The following BCAM variants were observed in gnomAD, a reference collection of about 807,000 sequenced individuals.
BCAM encodes basal cell adhesion molecule.
Under a neutral mutation model 72.4 loss-of-function variants are expected in BCAM, and 61 were observed. The ratio of observed to expected loss-of-function variants is 0.84; its 90% confidence interval spans 0.69 to 1.04. The LOEUF is 1.04. BCAM is among the 50% of genes least tolerant of loss of function. BCAM has a pLI of 0.00. For synonymous variants in BCAM, 408 were observed against 384.2 expected (o/e 1.06, Z -0.73); for missense variants, 909 against 895.0 (o/e 1.02, Z -0.20).
Position 44,814,416 on chromosome 19 carries a change from G to C in BCAM, c.921+128G>C. 1 of 1,443,958 alleles carries C rather than the reference G, an allele frequency of 6.9e-7. No homozygotes were observed. Among genetic ancestry groups the C allele is most frequent in the South Asian group, 1.4e-5 (1 of 70,838 alleles). The allele number at this position is 1,443,958 out of a possible 1,614,324, so 89.4% of individuals were successfully genotyped here. The stretch of plus-strand genomic sequence containing the variant: ...GCTTAGGCAGCCACCTGATCTGGTG[G>C]CCCACGAACTAAAAGGACCTCTGAC... On this transcript the variant is annotated intron_variant, in intron 7 of 14. Coordinates refer to ENST00000270233, the MANE Select transcript of BCAM (RefSeq NM_005581.5). This position sits in a 1 kb window ranked among gnomAD's most constrained non-coding sequence, Gnocchi z 4.6.
Position 44,814,104 on chromosome 19 carries a change from T to C in BCAM, c.785-48T>C. On this transcript the variant is annotated intron_variant, in intron 6 of 14. Coordinates refer to ENST00000270233, the MANE Select transcript of BCAM (RefSeq NM_005581.5). This position sits in a 1 kb window ranked among gnomAD's most constrained non-coding sequence, Gnocchi z 4.6. ...CTGACCTCTCGCCTGTCCTCTAGCC[T>C]TGACCCTTCCCCTGATCACAATTCC... The C allele has an allele frequency of 6.5e-7, 1 of 1,539,696 alleles. No homozygotes were observed. The highest frequency in any genetic ancestry group is 8.7e-7 in the Non-Finnish European group (1 of 1,150,802).
chr19:44,812,124 T>A lies in BCAM; in HGVS notation c.205-39T>A. ...CAGAGAGAGAGAGACTGAGGAGCGC[T>A]GGGACACCCGGAGCTGAGAGCCTGC... On this transcript the variant is annotated intron_variant, in intron 2 of 14. Transcript: ENST00000270233. This position sits in a 1 kb window ranked among gnomAD's most constrained non-coding sequence, Gnocchi z 5.3. The A allele has an allele frequency of 6.5e-7, 1 of 1,549,478 alleles. No individual in the cohort carries two copies. The highest frequency in any genetic ancestry group is 8.7e-7 in the Non-Finnish European group (1 of 1,149,702).
chr19:44,819,820 C>T, intron 13 of BCAM, 94 bp downstream of exon 13: 5 of 1,443,902 alleles, frequency 3.5e-6, no homozygotes, highest in Middle Eastern at 2.3e-4. Context: ...CACATCTTAT[C>T]CTCCACCCCA....
In BCAM at chr19:44,819,415, C is replaced by T. The variant is rs761848492; in HGVS notation, c.1543C>T (p.Leu515=). The T allele has an allele frequency of 2.5e-6, 4 of 1,614,074 alleles. No individual in the cohort carries two copies. In the South Asian group the frequency reaches 4.4e-5, roughly 18 times the overall value. ...SSLTLKVTSA[L]SRDGISCEAS... is the part of the protein sequence containing the mutation. ...TCTGACCCTGAAAGTGACCAGCGCCCTGAGCCGCGATGGCATCTCCTGTGA... is the reference window on the plus strand; with the variant it reads ...TCTGACCCTGAAAGTGACCAGCGCCTTGAGCCGCGATGGCATCTCCTGTGA... The change falls in exon 12 of 15, where the codon CTG becomes TTG. Residue 515 remains leucine (L), a synonymous_variant. Transcript: ENST00000270233.
chr19:44,809,237 T>G (rs1013845885), intron 1 of BCAM, 31 bp downstream of exon 1: 14 of 1,405,818 alleles, frequency 1.0e-5, no homozygotes, highest in Non-Finnish European at 1.2e-5. Context: ...AAGGTGGGAC[T>G]GGGGAGAGGC....
chr19:44,819,191 G>A lies in BCAM; in HGVS notation c.1472G>A (p.Ser491Asn). 3 of 1,613,994 alleles carry A rather than the reference G, an allele frequency of 1.9e-6. No individual in the cohort carries two copies. The highest frequency in any genetic ancestry group is 2.5e-6 in the Non-Finnish European group (3 of 1,179,944). The change falls in exon 11 of 15, where the codon AGC becomes AAC. Residue 491 changes from serine (S) to asparagine (N), a missense_variant and splice_region_variant. Ser to Asn is a conservative substitution (Grantham distance 46). Transcript: ENST00000270233. The stretch of plus-strand genomic sequence containing the variant: ...CTCAGCTGGAGCCAATTGGGGGGCA[G>A]CGTAAGGGACCTTCCTCTCCACCCT... ...PKLSWSQLGG[S>N]PAEPIPGRQG...
intron 8 of BCAM, among the ~76,000 whole-genome samples, chr19:44,817,268 G>A (rs916288486): frequency 2.0e-5 from 3 of 152,120 alleles, no homozygotes; most frequent in African/African-American, 4.8e-5. Flanking sequence ...AATGCAGAGA[G>A]CTACAAAAAG....
intron 13 of BCAM, 77 bp downstream of exon 13, chr19:44,819,803 C>T (rs1968559018): frequency 2.0e-6 from 3 of 1,470,458 alleles, no homozygotes; most frequent in Admixed American, 5.1e-5. Context: ...CAACCCATAA[C>T]CTCAACCACA....
chr19:44,810,315 T>C (rs929759254), intron 1 of BCAM, among the ~76,000 whole-genome samples: 3 of 152,104 alleles, frequency 2.0e-5, no homozygotes, highest in African/African-American at 7.2e-5. Flanking sequence ...ACTCGACTTA[T>C]CCCGTTTGCT....
chr19:44,811,139 C>T (rs898569557), intron 1 of BCAM, 86 bp from the exon 2 acceptor site: 31 of 1,592,788 alleles, frequency 1.9e-5, no homozygotes, highest in South Asian at 1.8e-4. Context: ...GGGACCTGGA[C>T]GCTTGTGTCC....
Position 44,814,902 on chromosome 19 carries a change from T to G in BCAM, c.1078+142T>G. Reference sequence around the variant, plus strand: ...TTCTCTGCATTTCTTGGGGGTTTTTTTGGTTGTTTTTTTTTTTTTTTTTTT... The same window carrying G: ...TTCTCTGCATTTCTTGGGGGTTTTTGTGGTTGTTTTTTTTTTTTTTTTTTT... On this transcript the variant is annotated intron_variant, in intron 8 of 14. Coordinates refer to ENST00000270233, the MANE Select transcript of BCAM (RefSeq NM_005581.5). This position sits in a 1 kb window ranked among gnomAD's most constrained non-coding sequence, Gnocchi z 4.6. 3 of 1,066,498 alleles carry G rather than the reference T, an allele frequency of 2.8e-6. No individual in the cohort carries two copies. Among genetic ancestry groups the G allele is most frequent in the Non-Finnish European group, 3.7e-6 (3 of 811,128 alleles). The allele number at this position is 1,066,498 out of a possible 1,614,324, so 66.1% of individuals were successfully genotyped here.
chr19:44,811,390 G>A (rs759636024), intron 2 of BCAM, 44 bp downstream of exon 2: 1 of 1,610,064 alleles, frequency 6.2e-7, no homozygotes, highest in Non-Finnish European at 8.5e-7. Context: ...GGCACAGCAG[G>A]GCAGCAAAGG....
Position 44,812,323 on chromosome 19 carries a change from A to G in BCAM, c.365A>G (p.Asp122Gly). 6.2e-7 allele frequency: 1 copy of G among 1,612,946 alleles called. No individual in the cohort carries two copies. The part of the protein sequence containing the change: ...LAEAQVGDER[D>G]YVCVVRAGAA... ...GAGGCCCAGGTGGGCGACGAGCGAG[A>G]CTACGTGTGCGTGGTGAGGGCAGGG... Residue 122 changes from aspartate to glycine, a missense_variant, in exon 3 of 15, where the codon GAC becomes GGC. By Grantham distance (94) the Asp-to-Gly change is moderately conservative (BLOSUM62 -1). Transcript: ENST00000270233. This position sits in a 1 kb window ranked among gnomAD's most constrained non-coding sequence, Gnocchi z 5.3.
intron 2 of BCAM, 143 bp downstream of exon 2, chr19:44,811,489 GA>G: frequency 7.1e-7 from 1 of 1,403,740 alleles, no homozygotes; most frequent in Non-Finnish European, 9.7e-7. Flanking sequence ...CCACTGAGGG[GA>G]AGGGATCTGC....
intron 8 of BCAM, among the ~76,000 whole-genome samples, chr19:44,815,032 C>T (rs1039227824): frequency 1.3e-5 from 2 of 151,778 alleles, no homozygotes; most frequent in Admixed American, 6.6e-5. Context: ...AGTGAGCCAC[C>T]GCATCTTGTC....
At position 44,813,352 on chromosome 19, in the gene BCAM, C is replaced by T. The variant is rs1568571896; in HGVS notation, c.601+6C>T. On this transcript the variant is annotated splice_donor_region_variant and intron_variant, in intron 5 of 14. Transcript: ENST00000270233. The surrounding 1 kb of genome is among the most constrained non-coding windows in gnomAD (Gnocchi z 4.2). ...GCCCGTAGAGATGAACCCAGGTGAG[C>T]AGCGCAGGAGCGCGGCGGGACGTGG... The T allele has an allele frequency of 1.9e-6, 3 of 1,613,554 alleles. No homozygotes were observed. Among genetic ancestry groups the T allele is most frequent in the Admixed American group, 1.7e-5 (1 of 59,968 alleles).
At position 44,818,656 on chromosome 19, in the gene BCAM, C is replaced by G. The variant is rs368301946; in HGVS notation, c.1194+19C>G. On this transcript the variant is annotated intron_variant, in intron 9 of 14. Transcript: ENST00000270233. This position sits in a 1 kb window ranked among gnomAD's most constrained non-coding sequence, Gnocchi z 4.6. ...GACCAAGGTGAGAGGGAGAGGAGCC[C>G]CCTCGGGCCCTGCACTCGCACCCTC... 8 of 1,612,408 alleles carry G rather than the reference C, an allele frequency of 5.0e-6. No individual in the cohort carries two copies. The East Asian group carries it at 1.8e-4, about 36-fold the overall frequency.
intron 2 of BCAM, chr19:44,811,634 C>T (rs1174023339): frequency 5.3e-6 from 2 of 379,944 alleles, no homozygotes; most frequent in Non-Finnish European, 9.8e-6. Context: ...CGCCTGTAAT[C>T]CCAGCACTTT....
rs770570368 is a variant in BCAM at position 44,812,245 on chromosome 19, G to A, written c.287G>A (p.Arg96Gln). 3.7e-5 allele frequency: 60 copies of A among 1,607,886 alleles called. No homozygotes were observed. The East Asian group carries it at 8.7e-4, about 23-fold the overall frequency. The change falls in exon 3 of 15, where the codon CGG (arginine) becomes CAG (glutamine). Residue 96 changes from arginine (R) to glutamine (Q), a missense_variant. Transcript: ENST00000270233. This position sits in a 1 kb window ranked among gnomAD's most constrained non-coding sequence, Gnocchi z 5.3. Reference sequence around the variant, plus strand: ...CTCCAGGTCACAATGCACGACACCCGGGGCCGCAGTCCCCCATACCAGCTG... The same window carrying A: ...CTCCAGGTCACAATGCACGACACCCAGGGCCGCAGTCCCCCATACCAGCTG... ...SELQVTMHDT[R>Q]GRSPPYQLDS...
Sources: gnomAD v4.1 joint callset for allele counts (sites outside exome capture counted in the v4.1 genomes callset) on GRCh38, gnomAD v4.1.1 for gene constraint, Gnocchi (gnomAD v3.1) non-coding constraint, MANE v1.5 for transcripts, NCBI Gene and HGNC (gene_info 2026-07-23, HGNC 2026-07-21) for gene names.